Variants in SUGCT observed in about 807,000 individuals in gnomAD.
The protein encoded by SUGCT is succinyl-CoA:glutarate CoA-transferase.
A neutral mutation model predicts 55.0 loss-of-function variants in SUGCT; 41 were observed. The ratio of observed to expected loss-of-function variants is 0.74; its 90% CI spans 0.58 to 0.97. The LOEUF is 0.97. Ranked by LOEUF, SUGCT falls within the 50% of genes least tolerant of loss-of-function variation. SUGCT has a pLI of 0.00. For synonymous variants in SUGCT, 187 were observed against 200.4 expected (o/e 0.93, Z 0.56); for missense variants, 568 against 547.8 (o/e 1.04, Z -0.37).
chr7:40,217,238 C>T (rs1175136396), intron 6 of SUGCT, among the ~76,000 whole-genome samples: 2 of 152,064 alleles, frequency 1.3e-5, no homozygotes, highest in Non-Finnish European at 2.9e-5. Flanking sequence ...AAGACAGGGT[C>T]TCACTCTGTC....
intron 9 of SUGCT, among the ~76,000 whole-genome samples, chr7:40,402,403 C>T (rs1214280384): frequency 6.6e-6 from 1 of 152,120 alleles, no homozygotes; most frequent in African/African-American, 2.4e-5. Context: ...ATCTGACATC[C>T]TATGGCCTGG....
At chr7:41,028,928 C>T in the SUGCT span, among the ~76,000 whole-genome samples, 492 of 152,242 alleles carry the variant, frequency 3.2e-3, 3 homozygotes, top group African/African-American at 0.011. Context: ...GTTCAGCTCT[C>T]GGCAGTGTTA....
chr7:40,749,809 A>C (rs1787917547), intron 13 of SUGCT, among the ~76,000 whole-genome samples: 1 of 152,200 alleles, frequency 6.6e-6, no homozygotes, highest in South Asian at 2.1e-4. Context: ...TGATAGTAAT[A>C]GGTATGGCCA....
At chr7:40,742,558 G>A (rs867458676) in intron 12 of SUGCT, among the ~76,000 whole-genome samples, 1 of 152,046 alleles carries the variant, frequency 6.6e-6, no homozygotes, top group Non-Finnish European at 1.5e-5. Flanking sequence ...GACAGGAGGC[G>A]GAGCTCAAGC....
At chr7:40,965,061 T>C in the SUGCT span, 1 of 152,244 alleles carries the variant, frequency 6.6e-6, no homozygotes, top group African/African-American at 2.4e-5. Flanking sequence ...CATTTTAAGG[T>C]TGTGCCCTTG....
At chr7:40,620,878 A>G (rs1193969809) in intron 12 of SUGCT, among the ~76,000 whole-genome samples, 1 of 152,180 alleles carries the variant, frequency 6.6e-6, no homozygotes, top group African/African-American at 2.4e-5. Context: ...CAGTAGGGGA[A>G]ACTTCATCTA....
At chr7:40,332,454 TG>T (rs1239279094) in intron 9 of SUGCT, among the ~76,000 whole-genome samples, 69 of 125,356 alleles carry the variant, frequency 5.5e-4, no homozygotes, top group African/African-American at 1.3e-3. Context: ...TTTTTTTTTT[TG>T]TTTTTTTTTT....
intron 13 of SUGCT, among the ~76,000 whole-genome samples, chr7:40,753,614 A>G (rs1379704465): frequency 6.6e-6 from 1 of 152,162 alleles, no homozygotes; most frequent in Non-Finnish European, 1.5e-5. Context: ...TGTATGTCAC[A>G]CTAATTTGCC....
At chr7:40,696,914 A>G (rs1784958575) in intron 12 of SUGCT, among the ~76,000 whole-genome samples, 1 of 152,158 alleles carries the variant, frequency 6.6e-6, no homozygotes, top group South Asian at 2.1e-4. Flanking sequence ...AAACAACCAA[A>G]ATGGTAAAGA....
rs1159693206 is a variant in SUGCT, at chr7:40,242,906, C to CATATATATATAT, written c.576+5197_576+5208dup. Among the ~76,000 whole-genome samples the CATATATATATAT allele has an allele frequency of 7.2e-3, 232 of 32,184 alleles. 5 individuals carry two copies. The highest frequency in any genetic ancestry group is 0.011 in the South Asian group (6 of 552). The allele number at this position is 32,184 out of a possible 152,430, so 21.1% of individuals were successfully genotyped here. ...GAATATCTGGTACTGTGCTATGTGG[C>CATATATATATAT]ATATATATATATATATATATATATA... On this transcript the variant is annotated intron_variant, in intron 7 of 13. Coordinates refer to ENST00000335693, the MANE Select transcript of SUGCT (RefSeq NM_001193313.2).
intron 12 of SUGCT, among the ~76,000 whole-genome samples, chr7:40,726,025 C>T (rs1786595033): frequency 6.6e-6 from 1 of 152,044 alleles, no homozygotes; most frequent in Non-Finnish European, 1.5e-5. Context: ...GGCCCTGGCA[C>T]CAGGCTGCCC....
chr7:40,767,461 C>A (rs1788864731), intron 13 of SUGCT, among the ~76,000 whole-genome samples: 1 of 152,072 alleles, frequency 6.6e-6, no homozygotes, highest in Non-Finnish European at 1.5e-5. Context: ...TGATATGAAA[C>A]CACAGAGGAG....
intron 8 of SUGCT, among the ~76,000 whole-genome samples, chr7:40,311,413 A>G (rs1013489334): frequency 3.0e-4 from 46 of 152,214 alleles, no homozygotes; most frequent in African/African-American, 1.1e-3. Context: ...AAGAATGACG[A>G]TACAATTTGT....
In SUGCT at chr7:40,663,485, A is replaced by ATGTGTGTG. The variant is rs59033010; in HGVS notation, c.1090-85919_1090-85912dup. Among the ~76,000 whole-genome samples, 134 of 135,058 alleles carry ATGTGTGTG rather than the reference A, an allele frequency of 9.9e-4. 1 individual carries two copies. The highest frequency in any genetic ancestry group is 2.7e-3 in the African/African-American group (101 of 37,998). The allele number at this position is 135,058 out of a possible 152,430, so 88.6% of individuals were successfully genotyped here. ...TATTCACCAAATTACTTTGTGGTGT[A>ATGTGTGTG]TGTGTGTGTGTGTGTGTGTGTGTGT... On this transcript the variant is annotated intron_variant, in intron 12 of 13. Coordinates refer to ENST00000335693, the MANE Select transcript of SUGCT (RefSeq NM_001193313.2).
chr7:40,592,103 A>G (rs1797758085), intron 12 of SUGCT, among the ~76,000 whole-genome samples: 1 of 152,202 alleles, frequency 6.6e-6, no homozygotes, highest in Non-Finnish European at 1.5e-5. Flanking sequence ...TGTCAAATTT[A>G]CATTAGAAGA....
intron 13 of SUGCT, among the ~76,000 whole-genome samples, chr7:40,823,412 C>A (rs1156375338): frequency 6.6e-6 from 1 of 151,886 alleles, no homozygotes; most frequent in African/African-American, 2.4e-5. Context: ...AAAAATAGAT[C>A]CAAAGGCAAA....
intron 1 of SUGCT, among the ~76,000 whole-genome samples, chr7:40,162,642 G>T (rs1784234186): frequency 6.6e-6 from 1 of 152,064 alleles, no homozygotes; most frequent in Non-Finnish European, 1.5e-5. Context: ...ATTCCCAGCT[G>T]ACTTTTTTAC....
chr7:40,628,189 T>C (rs1487903004), intron 12 of SUGCT, among the ~76,000 whole-genome samples: 1 of 152,218 alleles, frequency 6.6e-6, no homozygotes, highest in Non-Finnish European at 1.5e-5. Flanking sequence ...TTATAATTGT[T>C]CTATTTTAAT....
At chr7:40,348,561 A>G (rs1276401250) in intron 9 of SUGCT, among the ~76,000 whole-genome samples, 1 of 152,146 alleles carries the variant, frequency 6.6e-6, no homozygotes, top group South Asian at 2.1e-4. Context: ...TCTGTGAGCC[A>G]ATACACTTGA....
Sources: gnomAD v4.1 joint callset for allele counts (sites outside exome capture counted in the v4.1 genomes callset) on GRCh38, gnomAD v4.1.1 for gene constraint, MANE v1.5 for transcripts, NCBI Gene and HGNC (gene_info 2026-07-23, HGNC 2026-07-21) for gene names.